Variants in TDRD9 observed in about 807,000 individuals in gnomAD.
TDRD9 encodes ATP-dependent RNA helicase TDRD9.
In TDRD9, 124 loss-of-function variants were observed where a neutral mutation model predicts 172.6. The observed-to-expected ratio is 0.72, with a 90% CI of 0.62 to 0.83. The LOEUF (loss-of-function observed/expected upper bound fraction) is 0.83, where lower values mean the gene tolerates loss of function less well. Among genes scored for constraint, TDRD9 ranks in the 40% least tolerant of loss-of-function variants. The probability of loss-of-function intolerance (pLI) is 0.00; values close to 1 mark genes in which losing one functional copy is unlikely to be tolerated. For missense variants in TDRD9, 1,479 were observed against 1,714.1 expected, an observed-to-expected ratio of 0.86 and a Z score of 2.42; for synonymous variants, 619 against 617.1, an observed-to-expected ratio of 1.00 and a Z score of -0.05.
At position 104,035,047 on chromosome 14, in the gene TDRD9, T is replaced by TAACACCGGTTA; in HGVS notation, c.3708_3709insACACCGGTTAA (p.Glu1237ThrfsTer6). On this transcript the variant is annotated frameshift_variant, in exon 32 of 36. Transcript: ENST00000409874. LOFTEE classifies it high-confidence loss of function. Reference sequence around the variant, plus strand: ...CTCAGCATGTTATTCGCACCGGTGATAGAGTTAAGGTACGGGCATCCCTCT... The same window carrying TAACACCGGTTA: ...CTCAGCATGTTATTCGCACCGGTGATAACACCGGTTAAGAGTTAAGGTACGGGCATCCCTCT... 6.4e-7 allele frequency: 1 copy of TAACACCGGTTA among 1,551,150 alleles called. No homozygotes were observed. Among genetic ancestry groups the TAACACCGGTTA allele is most frequent in the Non-Finnish European group, 8.7e-7 (1 of 1,146,540 alleles).
intron 34 of TDRD9, among the ~76,000 whole-genome samples, chr14:104,048,778 G>A (rs1447542709): frequency 6.6e-6 from 1 of 152,192 alleles, no homozygotes; most frequent in East Asian, 1.9e-4. Context: ...CAAGCAGGAT[G>A]TGGCGTGAGG....
Position 104,007,405 on chromosome 14 carries a change from C to T in TDRD9, c.2052+201C>T, listed in dbSNP as rs948284599. 7.9e-5 allele frequency among the ~76,000 whole-genome samples: 12 copies of T among 152,320 alleles called. No individual in the cohort carries two copies. The South Asian group carries it at 1.2e-3, about 16-fold the overall frequency. ...TGGTCCTTTTGCTTCCATCGCTTCT[C>T]GGGAGGCCGCTTGCTCTCAGGCCTG... On this transcript the variant is annotated intron_variant, in intron 19 of 35. Transcript: ENST00000409874.
In TDRD9 at chr14:103,965,455, C is replaced by CAT; in HGVS notation, c.544_545dup (p.Val183LeufsTer9). 1 of 1,551,118 alleles carries CAT rather than the reference C, an allele frequency of 6.4e-7. No individual in the cohort carries two copies. Among genetic ancestry groups the CAT allele is most frequent in the Non-Finnish European group, 8.7e-7 (1 of 1,146,860 alleles). On this transcript the variant is annotated frameshift_variant, in exon 4 of 36. Coordinates refer to ENST00000409874, the MANE Select transcript of TDRD9 (RefSeq NM_153046.3). LOFTEE classifies it high-confidence loss of function. Reference sequence around the variant, plus strand: ...ACGTTCAGCGCTCCGCCTACTGCAGCATTGTGGTCACCCAGCCCCGGAAGA... The same window carrying CAT: ...ACGTTCAGCGCTCCGCCTACTGCAGCATATTGTGGTCACCCAGCCCCGGAAGA...
rs2035953658 is a variant in TDRD9 at position 104,052,149 on chromosome 14, C to T, written c.*67C>T. 2 of 1,134,476 alleles carry T rather than the reference C, an allele frequency of 1.8e-6. No individual in the cohort carries two copies. Among genetic ancestry groups the T allele is most frequent in the Non-Finnish European group, 2.6e-6 (2 of 776,970 alleles). The allele number at this position is 1,134,476 out of a possible 1,614,324, so 70.3% of individuals were successfully genotyped here. On this transcript the variant is annotated 3_prime_UTR_variant, in exon 36 of 36. Transcript: ENST00000409874. ...GTGGAGGCTGGATTCCAGGCTCCCT[C>T]CGCAGACTGACTTTCCTCTGTGTCT...
At chr14:103,984,766 T>G (rs753185860) in intron 7 of TDRD9, among the ~76,000 whole-genome samples, 106 of 152,128 alleles carry the variant, frequency 7.0e-4, no homozygotes, top group Non-Finnish European at 2.2e-4. Context: ...GACCCCAGAA[T>G]GATAGATCCA....
chr14:104,014,379 A>C (rs550441608), intron 20 of TDRD9, among the ~76,000 whole-genome samples: 1 of 151,728 alleles, frequency 6.6e-6, no homozygotes, highest in African/African-American at 2.4e-5. Flanking sequence ...CTCCAGTCTC[A>C]GGTGATCCTC....
chr14:103,962,315 C>G (rs147798944), intron 2 of TDRD9, among the ~76,000 whole-genome samples: 2,196 of 152,266 alleles, frequency 0.014, 32 homozygotes, highest in South Asian at 0.068. Context: ...AAAGTTTTCT[C>G]TTTAACTGTT....
intron 30 of TDRD9, 117 bp from the exon 31 acceptor site, chr14:104,033,843 C>A: frequency 1.5e-6 from 1 of 656,346 alleles, no homozygotes; most frequent in Non-Finnish European, 2.8e-6. Context: ...TATTTCTTCC[C>A]GTCTATCATT....
chr14:104,009,401 GGATCAC>G (rs1183319520), intron 20 of TDRD9, among the ~76,000 whole-genome samples: 1 of 152,074 alleles, frequency 6.6e-6, no homozygotes, highest in Non-Finnish European at 1.5e-5. Context: ...AAAAGGTTAG[GGATCAC>G]TGGTATAAAA....
At chr14:104,033,249 A>G (rs1160504933) in intron 30 of TDRD9, among the ~76,000 whole-genome samples, 1 of 152,142 alleles carries the variant, frequency 6.6e-6, no homozygotes, top group Non-Finnish European at 1.5e-5. Context: ...GGCCTTCCAA[A>G]TGAGCCTGCA....
At chr14:103,964,402 C>T (rs1184739401) in intron 3 of TDRD9, among the ~76,000 whole-genome samples, 4 of 152,178 alleles carry the variant, frequency 2.6e-5, no homozygotes, top group Non-Finnish European at 5.9e-5. Context: ...TGGGAAGAGT[C>T]ATAGAAATCT....
At chr14:104,007,242 G>A (rs2034470043) in intron 19 of TDRD9, 38 bp downstream of exon 19, 1 of 1,598,060 alleles carries the variant, frequency 6.3e-7, no homozygotes, top group Non-Finnish European at 8.6e-7. Context: ...TAGATGGCTG[G>A]GAGTAATGAG....
chr14:103,936,415 C>T (rs564336110), intron 1 of TDRD9, among the ~76,000 whole-genome samples: 3 of 152,260 alleles, frequency 2.0e-5, no homozygotes, highest in African/African-American at 7.2e-5. Context: ...TTATTGAATG[C>T]TTACAATATG....
chr14:104,009,635 CTT>C (rs2034548292), intron 20 of TDRD9, among the ~76,000 whole-genome samples: 1 of 152,068 alleles, frequency 6.6e-6, no homozygotes, highest in African/African-American at 2.4e-5. Context: ...CTTTTTTTAA[CTT>C]GATAAACTTT....
chr14:104,049,031 T>C (rs897585794), intron 34 of TDRD9, among the ~76,000 whole-genome samples: 59 of 152,290 alleles, frequency 3.9e-4, no homozygotes, highest in Admixed American at 2.0e-3. Context: ...CATGAATGAA[T>C]GCTTCTCAAC....
intron 28 of TDRD9, among the ~76,000 whole-genome samples, chr14:104,029,188 C>A (rs1200930660): frequency 1.3e-5 from 2 of 151,932 alleles, no homozygotes; most frequent in East Asian, 1.9e-4. Flanking sequence ...TCCATATGAA[C>A]TTTAGGATTG....
intron 7 of TDRD9, among the ~76,000 whole-genome samples, chr14:103,978,026 CTG>C (rs2033325069): frequency 6.6e-6 from 1 of 152,158 alleles, no homozygotes; most frequent in Non-Finnish European, 1.5e-5. Flanking sequence ...CATTGATCAT[CTG>C]TGTGTCTGTT....
At chr14:103,959,548 T>G (rs1036231755) in intron 2 of TDRD9, among the ~76,000 whole-genome samples, 2 of 150,818 alleles carry the variant, frequency 1.3e-5, no homozygotes, top group Non-Finnish European at 3.0e-5. Context: ...ATTAAAACCA[T>G]GAGATTACAC....
At position 104,046,461 on chromosome 14, in the gene TDRD9, C is replaced by T. The variant is rs967421213; in HGVS notation, c.3975-3147C>T. Among the ~76,000 whole-genome samples, 3 of 152,076 alleles carry T rather than the reference C, an allele frequency of 2.0e-5. No homozygotes were observed. In the South Asian group the frequency reaches 6.2e-4, roughly 32 times the overall value. On this transcript the variant is annotated intron_variant, in intron 34 of 35. Transcript: ENST00000409874. ...TATGAACATCTAGTGGTGATGACATCATTTACTGAAAAGCTATACTTTTAC... is the reference window on the plus strand; with the variant it reads ...TATGAACATCTAGTGGTGATGACATTATTTACTGAAAAGCTATACTTTTAC...
Sources: gnomAD v4.1 joint callset for allele counts (sites outside exome capture counted in the v4.1 genomes callset) on GRCh38, gnomAD v4.1.1 for gene constraint, MANE v1.5 for transcripts, NCBI Gene and HGNC (gene_info 2026-07-23, HGNC 2026-07-21) for gene names.